The following NRG1 variants were observed in gnomAD, a reference collection of about 807,000 sequenced individuals.
NRG1 encodes neuregulin 1.
A neutral mutation model predicts 63.8 loss-of-function variants in NRG1; 18 were observed. The ratio of observed to expected loss-of-function variants is 0.28; its 90% CI spans 0.19 to 0.42. NRG1 has a LOEUF of 0.42. Ranked by LOEUF, NRG1 falls within the 10% of genes least tolerant of loss-of-function variation. The pLI, the probability that NRG1 is intolerant of heterozygous loss-of-function variation, is 1.00. For synonymous variants in NRG1, 302 were observed against 301.3 expected, an observed-to-expected ratio of 1.00 and a Z score of -0.02; for missense variants, 762 against 814.7, an observed-to-expected ratio of 0.94 and a Z score of 0.79.
intron 1 of NRG1, among the ~76,000 whole-genome samples, chr8:32,104,111 G>A (rs1308137300): frequency 6.6e-6 from 1 of 152,148 alleles, no homozygotes; most frequent in Non-Finnish European, 1.5e-5. Context: ...ACATCACAGA[G>A]TGCACTTACA....
chr8:32,441,404 A>G (rs962667151), intron 1 of NRG1: 2 of 152,002 alleles, frequency 1.3e-5, no homozygotes, highest in African/African-American at 4.8e-5. Flanking sequence ...CTTTGATGTC[A>G]CTATGTAGAC....
chr8:31,885,279 G>A (rs1453656752), intron 1 of NRG1, among the ~76,000 whole-genome samples: 4 of 152,036 alleles, frequency 2.6e-5, no homozygotes, highest in African/African-American at 4.8e-5. Context: ...GGAAATAACA[G>A]CACAGTAAAT....
chr8:32,681,615 A>G (rs1207065891), intron 5 of NRG1, among the ~76,000 whole-genome samples: 1 of 152,168 alleles, frequency 6.6e-6, no homozygotes, highest in African/African-American at 2.4e-5. Flanking sequence ...AATTAAACCA[A>G]ACAAAACCAA....
At chr8:31,980,094 C>A (rs1330673943) in intron 1 of NRG1, among the ~76,000 whole-genome samples, 2 of 151,954 alleles carry the variant, frequency 1.3e-5, no homozygotes, top group African/African-American at 2.4e-5. Flanking sequence ...AGTAACTCAG[C>A]CAAGGTGATG....
chr8:32,518,943 T>G (rs1419023229), intron 1 of NRG1, among the ~76,000 whole-genome samples: 1 of 152,222 alleles, frequency 6.6e-6, no homozygotes, highest in Non-Finnish European at 1.5e-5. Flanking sequence ...CATGTTTAAA[T>G]AAATCATAAA....
intron 1 of NRG1, among the ~76,000 whole-genome samples, chr8:31,805,567 G>A (rs1240938982): frequency 6.6e-6 from 1 of 151,964 alleles, no homozygotes; most frequent in South Asian, 2.1e-4. Flanking sequence ...GGTGGCTCAC[G>A]TCTGTAATCC....
chr8:32,421,082 T>C (rs113216413), intron 1 of NRG1, among the ~76,000 whole-genome samples: 20,838 of 152,178 alleles, frequency 0.14, 1,565 homozygotes, highest in Middle Eastern at 0.21. Flanking sequence ...CCTCTTTTCT[T>C]TATAAATTAC....
chr8:32,013,623 C>T (rs953263922), intron 1 of NRG1, among the ~76,000 whole-genome samples: 23 of 151,952 alleles, frequency 1.5e-4, no homozygotes, highest in African/African-American at 4.3e-4. Flanking sequence ...CCAGGTAGGG[C>T]GCCATACAGG....
chr8:32,176,628 C>T lies in NRG1; in HGVS notation c.38-419200C>T, dbSNP rs560595090. On this transcript the variant is annotated intron_variant, in intron 1 of 10. Transcript: ENST00000519301. ...TCTACAGTGAACTCAAACAAATTTA[C>T]AAGAAAAAAACAAACAACCCCATCA... Among the ~76,000 whole-genome samples the T allele has an allele frequency of 9.2e-5, 14 of 152,130 alleles. No individual in the cohort carries two copies. The East Asian group carries it at 2.7e-3, about 29-fold the overall frequency.
chr8:31,666,934 A>G (rs1264767413), intron 1 of NRG1, among the ~76,000 whole-genome samples: 1 of 152,202 alleles, frequency 6.6e-6, no homozygotes, highest in African/African-American at 2.4e-5. Flanking sequence ...AGCTGTCAAC[A>G]TGTTAACTCA....
At chr8:32,711,780 A>G (rs879311364) in intron 5 of NRG1, among the ~76,000 whole-genome samples, 1 of 152,164 alleles carries the variant, frequency 6.6e-6, no homozygotes, top group Non-Finnish European at 1.5e-5. Flanking sequence ...CATGCCCAGT[A>G]GAAATGGTAG....
intron 7 of NRG1, chr8:32,749,850 C>T: frequency 1.9e-6 from 1 of 513,334 alleles, no homozygotes; most frequent in Admixed American, 3.7e-5. Flanking sequence ...ACATATATCC[C>T]ACGCTGCTTA....
intron 5 of NRG1, among the ~76,000 whole-genome samples, chr8:32,725,464 A>ATTTTT (rs71209904): frequency 0.012 from 835 of 67,574 alleles, 72 homozygotes; most frequent in African/African-American, 0.042. Context: ...AAACTTCCTA[A>ATTTTT]TTTTTTTTTT....
At chr8:32,065,014 G>A (rs1824518810) in intron 1 of NRG1, among the ~76,000 whole-genome samples, 1 of 151,788 alleles carries the variant, frequency 6.6e-6, no homozygotes, top group Non-Finnish European at 1.5e-5. Context: ...CTTGTTTTCT[G>A]TTATTCTGTG....
At chr8:32,124,240 C>T (rs1345757681) in intron 1 of NRG1, among the ~76,000 whole-genome samples, 3 of 151,982 alleles carry the variant, frequency 2.0e-5, no homozygotes, top group East Asian at 3.9e-4. Context: ...GCACCAAGTT[C>T]GAACAATGAC....
At chr8:32,360,826 C>G (rs1408490950) in intron 1 of NRG1, among the ~76,000 whole-genome samples, 1 of 152,164 alleles carries the variant, frequency 6.6e-6, no homozygotes, top group Non-Finnish European at 1.5e-5. Context: ...ACATGCTCAA[C>G]CTTCCTCCAA....
At chr8:32,503,810 G>C (rs918011274) in intron 1 of NRG1, among the ~76,000 whole-genome samples, 14 of 152,196 alleles carry the variant, frequency 9.2e-5, no homozygotes, top group South Asian at 2.1e-4. Flanking sequence ...ATGAAAGGAA[G>C]TAAAGTGGAA....
chr8:32,737,533 A>G (rs576947434), intron 6 of NRG1, among the ~76,000 whole-genome samples: 2 of 150,164 alleles, frequency 1.3e-5, no homozygotes, highest in African/African-American at 5.0e-5. Flanking sequence ...CCTGGGTGAC[A>G]GAGCGAGACT....
intron 1 of NRG1, among the ~76,000 whole-genome samples, chr8:32,159,483 G>A (rs1838574735): frequency 6.8e-6 from 1 of 147,724 alleles, no homozygotes; most frequent in South Asian, 2.1e-4. Flanking sequence ...GCAGTGAGCC[G>A]AGATTGCGCC....
Sources: allele counts gnomAD v4.1 joint callset (sites outside exome capture counted in the v4.1 genomes callset), GRCh38; gene constraint gnomAD v4.1.1; transcripts MANE v1.5; gene names NCBI Gene and HGNC (gene_info 2026-07-23, HGNC 2026-07-21).